SLC26A8: variants seen among roughly 807,000 people sequenced by gnomAD.
The protein encoded by SLC26A8 is solute carrier family 26 member 8.
Under a neutral mutation model 105.0 loss-of-function variants are expected in SLC26A8, and 70 were observed. That is an observed-to-expected ratio of 0.67 (90% confidence interval 0.55 to 0.81). The LOEUF (loss-of-function observed/expected upper bound fraction) is 0.81. SLC26A8 is among the 40% of genes least tolerant of loss of function. The pLI is 0.00. For missense variants in SLC26A8, 998 were observed against 1,181.8 expected, an observed-to-expected ratio of 0.84 and a Z score of 2.28; for synonymous variants, 415 against 438.3, an observed-to-expected ratio of 0.95 and a Z score of 0.66.
chr6:35,991,797 A>C lies in SLC26A8; in HGVS notation c.804T>G (p.Asn268Lys). The C allele has an allele frequency of 6.3e-7, 1 of 1,591,682 alleles. No homozygotes were observed. The highest frequency in any genetic ancestry group is 8.5e-7 in the Non-Finnish European group (1 of 1,172,570). ...TCGCTTTTGGGAGAGCTACACAGTAATTAATTATGTCCTGAAAGAAAATAA... is the reference window on the plus strand; with the variant it reads ...TCGCTTTTGGGAGAGCTACACAGTACTTAATTATGTCCTGAAAGAAAATAA... The part of the protein sequence containing the change: ...GPISFFYDII[N>K]YCVALPKANS... The change falls in exon 7 of 20, where the codon AAT becomes AAG. Residue 268 changes from asparagine (N) to lysine (K), a missense_variant. Transcript: ENST00000490799.
intron 11 of SLC26A8, among the ~76,000 whole-genome samples, chr6:35,967,086 T>G (rs1772547424): frequency 6.6e-6 from 1 of 152,180 alleles, no homozygotes; most frequent in Non-Finnish European, 1.5e-5. Context: ...TTCTGGAGAT[T>G]ACCTCTACTG....
intron 7 of SLC26A8, among the ~76,000 whole-genome samples, chr6:35,991,395 C>CTCTG (rs1761148284): frequency 8.6e-6 from 1 of 116,692 alleles, no homozygotes; most frequent in African/African-American, 3.2e-5. Context: ...CAGAGCAAGA[C>CTCTG]TCTGTCAAAA....
At chr6:35,952,730 G>C (rs1327511873) in intron 17 of SLC26A8, among the ~76,000 whole-genome samples, 1 of 151,846 alleles carries the variant, frequency 6.6e-6, no homozygotes, top group Non-Finnish European at 1.5e-5. Context: ...TGGACTGATG[G>C]GTAGGCTGAG....
intron 16 of SLC26A8, 84 bp downstream of exon 16, chr6:35,959,376 T>G: frequency 7.0e-7 from 1 of 1,433,042 alleles, no homozygotes; most frequent in Non-Finnish European, 9.3e-7. Flanking sequence ...CCCTTAGAGG[T>G]TTTGATTTTT....
intron 19 of SLC26A8, among the ~76,000 whole-genome samples, chr6:35,946,704 T>A (rs1771688837): frequency 1.3e-5 from 2 of 152,220 alleles, no homozygotes; most frequent in South Asian, 4.1e-4. Flanking sequence ...CCATCTTTTT[T>A]TTTGACCGGG....
intron 12 of SLC26A8, among the ~76,000 whole-genome samples, chr6:35,961,495 C>A (rs1341377166): frequency 6.6e-6 from 1 of 152,202 alleles, no homozygotes; most frequent in Non-Finnish European, 1.5e-5. Flanking sequence ...TTTCAGGCCC[C>A]TACCCCAGCA....
Position 35,959,806 on chromosome 6 carries a change from T to A in SLC26A8, c.1639A>T (p.Ile547Phe). The change falls in exon 15 of 20, where the codon ATC (isoleucine) becomes TTC (phenylalanine). Residue 547 changes from isoleucine (I) to phenylalanine (F), a missense_variant and splice_region_variant. By Grantham distance (21) the Ile-to-Phe change is conservative. Coordinates refer to ENST00000490799, the MANE Select transcript of SLC26A8 (RefSeq NM_052961.4). ...ATTTTCACCCCAGGAATGGTGATGA[T>A]CTGCAAGACAAAATGTGAAGTTGAG... ...IYRSINDYREIITIPGVKIFQ... is the reference protein window; with the variant it reads ...IYRSINDYREFITIPGVKIFQ... 1 of 1,604,480 alleles carries A rather than the reference T, an allele frequency of 6.2e-7. No individual in the cohort carries two copies. The highest frequency in any genetic ancestry group is 1.1e-5 in the South Asian group (1 of 88,796).
At chr6:35,992,418 A>C (rs561685587) in intron 6 of SLC26A8, 92 bp downstream of exon 6, 126 of 1,314,308 alleles carry the variant, frequency 9.6e-5, no homozygotes, top group Non-Finnish European at 7.0e-5. Context: ...CTCCTTTCAG[A>C]AGGGGCGGGA....
intron 1 of SLC26A8, chr6:36,024,207 C>T (rs1243038271): frequency 6.9e-6 from 2 of 290,410 alleles, no homozygotes; most frequent in South Asian, 2.5e-5. Flanking sequence ...GCAGGTAGCA[C>T]GTCAGTTCTG....
In SLC26A8 at chr6:35,999,996, G is replaced by A. The variant is rs867275176; in HGVS notation, c.441C>T (p.Ser147=). ...GTATTTCAGTGCTGAACTCACCAAT[G>A]GACATTTGATGACACGATCCAAAAA... The part of the protein sequence containing the change: ...YVIFGSCHQM[S]IGSFFLVSAL... The change falls in exon 4 of 20, where the codon TCC becomes TCT. Residue 147 remains serine (S), a synonymous_variant. Coordinates refer to ENST00000490799, the MANE Select transcript of SLC26A8 (RefSeq NM_052961.4). 1 of 1,604,342 alleles carries A rather than the reference G, an allele frequency of 6.2e-7. No individual in the cohort carries two copies. Among genetic ancestry groups the A allele is most frequent in the Non-Finnish European group, 8.5e-7 (1 of 1,171,146 alleles).
chr6:36,002,704 T>C (rs1208723360), intron 3 of SLC26A8, among the ~76,000 whole-genome samples: 1 of 135,966 alleles, frequency 7.4e-6, no homozygotes, highest in Non-Finnish European at 1.6e-5. Context: ...GTGATTTGCT[T>C]TTCAATCTTT....
intron 7 of SLC26A8, chr6:35,989,804 A>G (rs987632583): frequency 6.6e-6 from 1 of 151,640 alleles, no homozygotes; most frequent in African/African-American, 2.4e-5. Context: ...CTTAGGAAGG[A>G]CTGGTCTTGA....
At chr6:35,958,198 C>A (rs1474364487) in intron 16 of SLC26A8, among the ~76,000 whole-genome samples, 1 of 152,158 alleles carries the variant, frequency 6.6e-6, no homozygotes, top group African/African-American at 2.4e-5. Context: ...TACTTGATGT[C>A]TTAAGAGCTG....
At chr6:36,008,481 T>A (rs1360717263) in intron 3 of SLC26A8, among the ~76,000 whole-genome samples, 5 of 152,116 alleles carry the variant, frequency 3.3e-5, no homozygotes, top group Non-Finnish European at 7.4e-5. Context: ...ATTAAAACAA[T>A]GATGAGATAC....
At chr6:35,961,168 G>T (rs1270646855) in intron 12 of SLC26A8, 69 bp from the exon 13 acceptor site, 2 of 1,243,778 alleles carry the variant, frequency 1.6e-6, no homozygotes, top group Non-Finnish European at 2.3e-6. Flanking sequence ...GATCAGTCCT[G>T]TTTCTCAACT....
chr6:36,013,479 C>T (rs985354423), intron 2 of SLC26A8, among the ~76,000 whole-genome samples: 3 of 152,164 alleles, frequency 2.0e-5, no homozygotes, highest in Non-Finnish European at 4.4e-5. Context: ...CCGTGCCTGG[C>T]CCGGAGACAT....
intron 19 of SLC26A8, among the ~76,000 whole-genome samples, chr6:35,946,800 G>A (rs887732100): frequency 1.3e-5 from 2 of 151,714 alleles, no homozygotes; most frequent in Admixed American, 1.3e-4. Flanking sequence ...CAATCCTCCT[G>A]CCTCAAGCTC....
intron 11 of SLC26A8, among the ~76,000 whole-genome samples, chr6:35,965,440 A>G (rs531201086): frequency 2.8e-4 from 43 of 152,198 alleles, no homozygotes; most frequent in Non-Finnish European, 4.1e-4. Context: ...GCACTTTGGG[A>G]GGCCGAGGCA....
intron 9 of SLC26A8, among the ~76,000 whole-genome samples, chr6:35,976,821 G>A (rs1773057091): frequency 6.6e-6 from 1 of 152,122 alleles, no homozygotes; most frequent in Non-Finnish European, 1.5e-5. Context: ...TGGGATTACA[G>A]ACGTGAGCCA....
Sources: gnomAD v4.1 joint callset for allele counts (sites outside exome capture counted in the v4.1 genomes callset) on GRCh38, gnomAD v4.1.1 for gene constraint, MANE v1.5 for transcripts, NCBI Gene and HGNC (gene_info 2026-07-23, HGNC 2026-07-21) for gene names.